JADE2: variants seen among roughly 807,000 people sequenced by gnomAD.
JADE2 encodes E3 ubiquitin-protein ligase Jade-2.
JADE2 carries 13 observed loss-of-function variants against 85.7 expected under a neutral mutation model. That is an observed-to-expected ratio of 0.15 (90% CI 0.10 to 0.24). The LOEUF (loss-of-function observed/expected upper bound fraction) is 0.24, where lower values mean the gene tolerates loss of function less well. JADE2 is among the 10% of genes least tolerant of loss of function. The pLI is 1.00. For synonymous variants in JADE2, 440 were observed against 456.1 expected (o/e 0.96, Z 0.45); for missense variants, 846 against 1,115.9 (o/e 0.76, Z 3.45).
chr5:134,538,126 G>C (rs1284828609), intron 3 of JADE2, 43 bp downstream of exon 3: 2 of 1,481,278 alleles, frequency 1.4e-6, no homozygotes, highest in Non-Finnish European at 1.9e-6. Context: ...GGGAGTGAGA[G>C]TGAGCTGCCC....
intron 1 of JADE2, among the ~76,000 whole-genome samples, chr5:134,531,259 G>A (rs1204082233): frequency 6.6e-6 from 1 of 152,164 alleles, no homozygotes; most frequent in Non-Finnish European, 1.5e-5. Flanking sequence ...AAGGAGCCCA[G>A]CATGGCTAGA....
At chr5:134,544,208 T>C (rs1261970233) in intron 3 of JADE2, among the ~76,000 whole-genome samples, 2 of 152,236 alleles carry the variant, frequency 1.3e-5, no homozygotes, top group African/African-American at 4.8e-5. Context: ...CGGGAGCTGC[T>C]GATGCTGATC....
At chr5:134,558,932 G>A (rs1763155266) in intron 4 of JADE2, among the ~76,000 whole-genome samples, 1 of 152,230 alleles carries the variant, frequency 6.6e-6, no homozygotes, top group South Asian at 2.1e-4. Context: ...AAGTGGTGAA[G>A]CTGGGCTTTG....
At chr5:134,559,236 G>A (rs1458099649) in intron 4 of JADE2, among the ~76,000 whole-genome samples, 1 of 152,212 alleles carries the variant, frequency 6.6e-6, no homozygotes, top group African/African-American at 2.4e-5. Context: ...TGACACCAGA[G>A]GAGACGTGGC....
At position 134,573,796 on chromosome 5, in the gene JADE2, C is replaced by T. The variant is rs745310367; in HGVS notation, c.1552+34C>T. The stretch of plus-strand genomic sequence containing the variant: ...CTTCCCCACCTGCCGCCGCCACCTC[C>T]CTGTGCCCTCTCTTGCGGGGCTGGG... On this transcript the variant is annotated intron_variant, in intron 10 of 11. Transcript: ENST00000681547. 12 of 1,259,208 alleles carry T rather than the reference C, an allele frequency of 9.5e-6. No individual in the cohort carries two copies. In the African/African-American group the frequency reaches 1.6e-4, roughly 17 times the overall value. 78.0% of individuals were successfully genotyped at this position (1,259,208 alleles called of 1,614,324 possible). A position where few individuals can be genotyped will look rare whatever the true frequency, so the allele number is the denominator to read the frequency against.
intron 1 of JADE2, chr5:134,533,452 C>CTATG (rs1581393821): frequency 1.3e-6 from 1 of 779,278 alleles, no homozygotes; most frequent in East Asian, 1.3e-4. Context: ...GGTCCCTGGT[C>CTATG]TATGAGGAGA....
At chr5:134,572,632 T>C (rs1167402254) in intron 9 of JADE2, among the ~76,000 whole-genome samples, 1 of 152,204 alleles carries the variant, frequency 6.6e-6, no homozygotes, top group Admixed American at 6.5e-5. Context: ...CAACTGTCCC[T>C]GATAATGGAG....
intron 3 of JADE2, among the ~76,000 whole-genome samples, chr5:134,549,006 C>T (rs1321816893): frequency 6.6e-6 from 1 of 152,202 alleles, no homozygotes; most frequent in Non-Finnish European, 1.5e-5. Context: ...CCCAGAGAGG[C>T]CCTCGTATGC....
chr5:134,552,481 G>A (rs188075691), intron 4 of JADE2, among the ~76,000 whole-genome samples: 1 of 152,290 alleles, frequency 6.6e-6, no homozygotes, highest in Non-Finnish European at 1.5e-5. Flanking sequence ...GACCAGAAAT[G>A]TAATCTCTCT....
At chr5:134,529,381 T>C (rs1208791970) in intron 1 of JADE2, among the ~76,000 whole-genome samples, 2 of 152,196 alleles carry the variant, frequency 1.3e-5, no homozygotes, top group African/African-American at 2.4e-5. Flanking sequence ...CTGGAACTTG[T>C]AGGCCTGTAC....
chr5:134,537,882 A>C (rs329126), intron 2 of JADE2, 107 bp from the exon 3 acceptor site: 545,360 of 793,588 alleles, frequency 0.69, 189,939 homozygotes, highest in East Asian at 0.93. Context: ...TTTCTCCCTC[A>C]TGAACATTCT....
chr5:134,533,948 G>A lies in JADE2; in HGVS notation c.1-1910G>A, dbSNP rs547104684. Among the ~76,000 whole-genome samples, 214 of 151,934 alleles carry A rather than the reference G, an allele frequency of 1.4e-3. No homozygotes were observed. In the Middle Eastern group the frequency reaches 0.017, roughly 12 times the overall value. On this transcript the variant is annotated intron_variant, in intron 1 of 11. Coordinates refer to ENST00000681547, the MANE Select transcript of JADE2 (RefSeq NM_001388185.1). ...TTTTTGTAGAGATGAGTCCCCCTACGTTCCCCAGGCTGGTCTCGATCTCTT... is the reference window on the plus strand; with the variant it reads ...TTTTTGTAGAGATGAGTCCCCCTACATTCCCCAGGCTGGTCTCGATCTCTT...
chr5:134,537,323 T>TAGACCCTAATAA (rs1466418145), intron 2 of JADE2, among the ~76,000 whole-genome samples: 1 of 152,224 alleles, frequency 6.6e-6, no homozygotes, highest in African/African-American at 2.4e-5. Flanking sequence ...GCAAGGGCCT[T>TAGACCCTAATAA]AGACCCTAAT....
At chr5:134,567,762 C>T (rs1422153888) in intron 9 of JADE2, among the ~76,000 whole-genome samples, 3 of 152,234 alleles carry the variant, frequency 2.0e-5, no homozygotes, top group African/African-American at 7.2e-5. Flanking sequence ...ATCTGCGCTG[C>T]CTGCTCAAGA....
chr5:134,575,595 A>G (rs948256737), intron 10 of JADE2: 1 of 152,186 alleles, frequency 6.6e-6, no homozygotes, highest in East Asian at 1.9e-4. Flanking sequence ...GTATCTAGGC[A>G]TTAGTTACAT....
At chr5:134,541,083 G>A (rs953291418) in intron 3 of JADE2, among the ~76,000 whole-genome samples, 2 of 152,190 alleles carry the variant, frequency 1.3e-5, no homozygotes, top group African/African-American at 4.8e-5. Context: ...CCAAGCCCAG[G>A]AGCCTCCGCA....
rs757794856 is a variant in JADE2 at position 134,573,728 on chromosome 5, G to T, written c.1518G>T (p.Leu506=). ...ICKLQEQIFH[L]QMKLIEQDLC... ...AACTCCAGGAGCAGATATTCCACCT[G>T]CAGATGAAACTTATTGAACAGGATC... The change falls in exon 10 of 12, where the codon CTG becomes CTT. Residue 506 remains leucine, a synonymous_variant. Transcript: ENST00000681547. 4 of 1,613,224 alleles carry T rather than the reference G, an allele frequency of 2.5e-6. No individual in the cohort carries two copies. The highest frequency in any genetic ancestry group is 2.5e-6 in the Non-Finnish European group (3 of 1,179,232).
In JADE2 at chr5:134,559,961, A is replaced by C; in HGVS notation, c.443A>C (p.Glu148Ala). The C allele has an allele frequency of 6.2e-7, 1 of 1,612,910 alleles. No individual in the cohort carries two copies. The highest frequency in any genetic ancestry group is 8.5e-7 in the Non-Finnish European group (1 of 1,179,882). ...DLDEIDAYWLELINSELKEME... is the reference protein window; with the variant it reads ...DLDEIDAYWLALINSELKEME... Reference sequence around the variant, plus strand: ...GACGAGATTGATGCCTACTGGCTGGAGCTCATCAACTCGGAGCTTAAGGAG... The same window carrying C: ...GACGAGATTGATGCCTACTGGCTGGCGCTCATCAACTCGGAGCTTAAGGAG... The change falls in exon 5 of 12, where the codon GAG becomes GCG. Residue 148 changes from glutamate (E) to alanine (A), a missense_variant. Physicochemically the swap from Glu to Ala is moderately radical, Grantham distance 107. Around this residue, in one of 9 missense-constraint regions of JADE2, gnomAD observed 78 missense variants for 64.9 expected, o/e 1.20. Transcript: ENST00000681547.
Position 134,562,021 on chromosome 5 carries a change from TTTCCAGGAGCCC to T in JADE2, c.685-174_685-163del, listed in dbSNP as rs1763352880. ...GGCATACAAGCAGGCCAAGGAGGGC[TTTCCAGGAGCCC>T]TTCCTTCCTTCCTTGCATTGTAACT... On this transcript the variant is annotated intron_variant, in intron 6 of 11. Coordinates refer to ENST00000681547, the MANE Select transcript of JADE2 (RefSeq NM_001388185.1). This position sits in a 1 kb window ranked among gnomAD's most constrained non-coding sequence, Gnocchi z 4.6. Among the ~76,000 whole-genome samples the T allele has an allele frequency of 6.6e-6, 1 of 152,120 alleles. No homozygotes were observed. Among genetic ancestry groups the T allele is most frequent in the South Asian group, 2.1e-4 (1 of 4,818 alleles).
Sources: allele counts gnomAD v4.1 joint callset (sites outside exome capture counted in the v4.1 genomes callset), GRCh38; gene constraint gnomAD v4.1.1; regional missense constraint gnomAD v4.1.1; non-coding constraint Gnocchi (gnomAD v3.1); transcripts MANE v1.5; gene names NCBI Gene and HGNC (gene_info 2026-07-23, HGNC 2026-07-21).